KANSL1L: variants seen among roughly 807,000 people sequenced by gnomAD.
KANSL1L encodes the protein KAT8 regulatory NSL complex subunit 1 like.
Under a neutral mutation model 108.6 loss-of-function variants are expected in KANSL1L, and 25 were observed. The observed-to-expected ratio is 0.23, with a 90% CI of 0.17 to 0.32. KANSL1L has a LOEUF of 0.32. Among genes scored for constraint, KANSL1L ranks in the 10% least tolerant of loss-of-function variants. The pLI, the probability that KANSL1L is intolerant of heterozygous loss-of-function variation, is 1.00. For missense variants in KANSL1L, 1,137 were observed against 1,125.7 expected (o/e 1.01, Z -0.14); for synonymous variants, 405 against 395.1 (o/e 1.03, Z -0.30).
chr2:210,136,079 ACTAT>A (rs1297885821), intron 2 of KANSL1L, among the ~76,000 whole-genome samples: 1 of 152,198 alleles, frequency 6.6e-6, no homozygotes, highest in Non-Finnish European at 1.5e-5. Context: ...ATGTCCAAGG[ACTAT>A]CTGAGGTTGG....
intron 6 of KANSL1L, among the ~76,000 whole-genome samples, chr2:210,052,160 T>A (rs1053037199): frequency 6.6e-6 from 1 of 151,974 alleles, no homozygotes; most frequent in Non-Finnish European, 1.5e-5. Flanking sequence ...GATACCACCA[T>A]ACCTGGATCA....
At chr2:210,067,594 T>A (rs2094475336) in intron 6 of KANSL1L, among the ~76,000 whole-genome samples, 1 of 151,672 alleles carries the variant, frequency 6.6e-6, no homozygotes, top group Non-Finnish European at 1.5e-5. Context: ...TCTCAGCTAC[T>A]CCGGAGGCTG....
chr2:210,077,920 G>A (rs2094553645), intron 5 of KANSL1L, among the ~76,000 whole-genome samples: 1 of 152,146 alleles, frequency 6.6e-6, no homozygotes, highest in East Asian at 1.9e-4. Context: ...TTATCTTTGT[G>A]TCACTAAATG....
At chr2:210,162,266 A>C (rs1178462520) in intron 1 of KANSL1L, among the ~76,000 whole-genome samples, 2 of 139,758 alleles carry the variant, frequency 1.4e-5, no homozygotes, top group African/African-American at 5.2e-5. Context: ...AAATTAAAAA[A>C]TTAAAGAACT....
intron 5 of KANSL1L, chr2:210,088,792 C>T (rs2094664185): frequency 6.6e-6 from 1 of 152,240 alleles, no homozygotes; most frequent in African/African-American, 2.4e-5. Flanking sequence ...TCGCCACCTC[C>T]ACAAAAATTG....
At chr2:210,043,168 G>T (rs2539872) in intron 7 of KANSL1L, among the ~76,000 whole-genome samples, 148,951 of 152,190 alleles carry the variant, frequency 0.98, 72,973 homozygotes, top group Middle Eastern at 1. Flanking sequence ...GGAGGATCAC[G>T]TGAGGCTAGA....
In KANSL1L at chr2:210,154,527, G is replaced by T; in HGVS notation, c.56C>A (p.Pro19Gln). Residue 19 changes from proline to glutamine, a missense_variant, in exon 2 of 15, where the codon CCA (proline) becomes CAA (glutamine). By Grantham distance (76) the Pro-to-Gln change is moderately conservative. Coordinates refer to ENST00000281772, the MANE Select transcript of KANSL1L (RefSeq NM_152519.4). ...TAKGISFSSLPSTMESDKMLY... is the reference protein window; with the variant it reads ...TAKGISFSSLQSTMESDKMLY... The stretch of plus-strand genomic sequence containing the variant: ...CATCTTGTCAGACTCCATGGTACTT[G>T]GCAAAGATGAAAAGCTGATACCCTT... 1 of 1,583,384 alleles carries T rather than the reference G, an allele frequency of 6.3e-7. No individual in the cohort carries two copies.
chr2:210,106,700 A>G (rs1366321595), intron 3 of KANSL1L, among the ~76,000 whole-genome samples: 1 of 149,312 alleles, frequency 6.7e-6, no homozygotes, highest in Non-Finnish European at 1.5e-5. Context: ...ACCCAGGAGG[A>G]GGAGGTTGCA....
At chr2:210,043,834 GA>G (rs910300465) in intron 7 of KANSL1L, 104 bp downstream of exon 7, 42 of 797,638 alleles carry the variant, frequency 5.3e-5, no homozygotes, top group Non-Finnish European at 7.3e-5. Flanking sequence ...AATATCTACT[GA>G]AAAAAAATTG....
intron 6 of KANSL1L, among the ~76,000 whole-genome samples, chr2:210,067,025 G>A (rs2094471619): frequency 6.6e-6 from 1 of 152,146 alleles, no homozygotes; most frequent in Admixed American, 6.6e-5. Context: ...AAACAAAAAG[G>A]CAGAGGAAGG....
At position 210,140,998 on chromosome 2, in the gene KANSL1L, A is replaced by T. The variant is rs553792336; in HGVS notation, c.1089-11826T>A. ...TGAAACGCTAATTAATTTATTTCTA[A>T]CATTGTTTTGATGGGGTCTTTACAC... On this transcript the variant is annotated intron_variant, in intron 2 of 14. Coordinates refer to ENST00000281772, the MANE Select transcript of KANSL1L (RefSeq NM_152519.4). 2.3e-4 allele frequency among the ~76,000 whole-genome samples: 35 copies of T among 152,218 alleles called. No individual in the cohort carries two copies. The South Asian group carries it at 3.5e-3, about 15-fold the overall frequency.
At chr2:210,057,388 G>C (rs928764969) in intron 6 of KANSL1L, among the ~76,000 whole-genome samples, 3 of 152,130 alleles carry the variant, frequency 2.0e-5, no homozygotes, top group Admixed American at 6.5e-5. Flanking sequence ...GGGAGAGAAA[G>C]TGAGAGTCTT....
chr2:210,153,229 C>A (rs2095314398), intron 2 of KANSL1L: 1 of 299,714 alleles, frequency 3.3e-6, no homozygotes, highest in South Asian at 5.1e-5. Flanking sequence ...TGGCACACAC[C>A]TGTAATCCCA....
chr2:210,156,970 C>T (rs2095337019), intron 1 of KANSL1L, among the ~76,000 whole-genome samples: 2 of 148,028 alleles, frequency 1.4e-5, no homozygotes, highest in East Asian at 2.0e-4. Context: ...CAAATAGATT[C>T]CCATTTATCC....
At chr2:210,159,126 G>A (rs1472226559) in intron 1 of KANSL1L, among the ~76,000 whole-genome samples, 1 of 152,178 alleles carries the variant, frequency 6.6e-6, no homozygotes, top group Non-Finnish European at 1.5e-5. Flanking sequence ...TTGTCCTTAC[G>A]ATAGCCTACA....
At chr2:210,085,963 C>T (rs1188056089) in intron 5 of KANSL1L, among the ~76,000 whole-genome samples, 1 of 150,372 alleles carries the variant, frequency 6.7e-6, no homozygotes, top group Non-Finnish European at 1.5e-5. Context: ...CACAGGAATC[C>T]AAAATTATAC....
intron 8 of KANSL1L, among the ~76,000 whole-genome samples, chr2:210,040,002 A>G (rs1480677497): frequency 2.6e-5 from 4 of 151,798 alleles, no homozygotes; most frequent in Non-Finnish European, 5.9e-5. Context: ...TAAACTTTTT[A>G]TAATAATTCC....
At chr2:210,172,370 C>T (rs2125702819), upstream of KANSL1L, among the ~76,000 whole-genome samples, 1 of 152,322 alleles carries the variant, frequency 6.6e-6, no homozygotes, top group Non-Finnish European at 1.5e-5. Flanking sequence ...TTATTTTAAC[C>T]TTATCAATTG....
In KANSL1L at chr2:210,141,192, CTCTT is replaced by C. The variant is rs748750505; in HGVS notation, c.1089-12024_1089-12021del. Among the ~76,000 whole-genome samples, 11 of 147,802 alleles carry C rather than the reference CTCTT, an allele frequency of 7.4e-5. No homozygotes were observed. In the East Asian group the frequency reaches 1.7e-3, roughly 23 times the overall value. ...TTCTTTCTTTTCTTTCTCTCCCTTT[CTCTT>C]TTTCTTTTTTCTTTTCTTTCCTTTT... On this transcript the variant is annotated intron_variant, in intron 2 of 14. Coordinates refer to ENST00000281772, the MANE Select transcript of KANSL1L (RefSeq NM_152519.4).
Sources: gnomAD v4.1 joint callset for allele counts (sites outside exome capture counted in the v4.1 genomes callset) on GRCh38, gnomAD v4.1.1 for gene constraint, MANE v1.5 for transcripts, NCBI Gene and HGNC (gene_info 2026-07-23, HGNC 2026-07-21) for gene names.